Variants in GABRG3 observed in about 807,000 individuals in gnomAD.
GABRG3 encodes gamma-aminobutyric acid type A receptor subunit gamma3.
In GABRG3, 25 loss-of-function variants were observed where a neutral mutation model predicts 48.8. The ratio of observed to expected loss-of-function variants is 0.51; its 90% confidence interval spans 0.37 to 0.72. The LOEUF is 0.72. Among genes scored for constraint, GABRG3 ranks in the 30% least tolerant of loss-of-function variants. The pLI is 0.00. For missense variants in GABRG3, 394 were observed against 577.9 expected (o/e 0.68, Z 3.26); for synonymous variants, 227 against 217.6 (o/e 1.04, Z -0.38).
At chr15:27,303,103 C>T (rs1462533424) in intron 3 of GABRG3, among the ~76,000 whole-genome samples, 1 of 151,092 alleles carries the variant, frequency 6.6e-6, no homozygotes, top group Non-Finnish European at 1.5e-5. Flanking sequence ...TCAAATCAAG[C>T]CAAATTAAGG....
intron 3 of GABRG3, among the ~76,000 whole-genome samples, chr15:27,243,412 T>C (rs1223770862): frequency 1.3e-5 from 2 of 152,110 alleles, no homozygotes; most frequent in Non-Finnish European, 2.9e-5. Context: ...AAAGAAGGCA[T>C]ATCTTCAGGC....
intron 3 of GABRG3, among the ~76,000 whole-genome samples, chr15:27,076,838 C>CCAG (rs1296264242): frequency 1.3e-5 from 2 of 152,174 alleles, no homozygotes; most frequent in East Asian, 3.9e-4. Flanking sequence ...CATGGCCCTA[C>CCAG]CAGCACTTTG....
intron 3 of GABRG3, among the ~76,000 whole-genome samples, chr15:27,138,593 A>G (rs971565475): frequency 2.0e-5 from 3 of 152,072 alleles, no homozygotes; most frequent in African/African-American, 7.2e-5. Context: ...CTTCCTGTGC[A>G]CTTGGAGTGC....
chr15:27,004,271 C>T (rs1172595545), intron 2 of GABRG3, among the ~76,000 whole-genome samples: 25 of 148,406 alleles, frequency 1.7e-4, no homozygotes, highest in Admixed American at 3.3e-4. Context: ...ACTTCTCAGA[C>T]GGGGCGGCCG....
chr15:27,381,057 G>A (rs905648752), intron 5 of GABRG3, among the ~76,000 whole-genome samples: 7 of 152,110 alleles, frequency 4.6e-5, no homozygotes, highest in African/African-American at 1.4e-4. Context: ...GAGCCACCGC[G>A]CCTGGCCTCT....
chr15:27,139,825 G>A (rs1020810996), intron 3 of GABRG3, among the ~76,000 whole-genome samples: 3 of 152,164 alleles, frequency 2.0e-5, no homozygotes, highest in African/African-American at 7.2e-5. Context: ...GATCAAGGCA[G>A]GATCAAGGGG....
chr15:27,307,371 G>GTT (rs2140500508), intron 3 of GABRG3, among the ~76,000 whole-genome samples: 1 of 82,980 alleles, frequency 1.2e-5, no homozygotes, highest in Admixed American at 1.4e-4. Context: ...AACCATATAG[G>GTT]TTTATATATT....
intron 5 of GABRG3, among the ~76,000 whole-genome samples, chr15:27,417,201 G>T (rs1439031140): frequency 6.6e-6 from 1 of 151,874 alleles, no homozygotes; most frequent in Non-Finnish European, 1.5e-5. Context: ...TGGCCCAGGA[G>T]CTGTGGGTGC....
intron 3 of GABRG3, among the ~76,000 whole-genome samples, chr15:27,188,258 G>A (rs1050009581): frequency 6.6e-6 from 1 of 152,112 alleles, no homozygotes; most frequent in African/African-American, 2.4e-5. Flanking sequence ...TGGGATGGCT[G>A]GGTCAAATGG....
At chr15:27,346,274 G>T (rs949431871) in intron 5 of GABRG3, among the ~76,000 whole-genome samples, 1 of 152,080 alleles carries the variant, frequency 6.6e-6, no homozygotes, top group Non-Finnish European at 1.5e-5. Flanking sequence ...AGTTTCTGAA[G>T]AGAAGTACAT....
At chr15:27,437,261 A>G (rs970853451) in intron 5 of GABRG3, among the ~76,000 whole-genome samples, 10 of 152,212 alleles carry the variant, frequency 6.6e-5, no homozygotes, top group Non-Finnish European at 1.3e-4. Context: ...TTTATTTGGC[A>G]AACAAGTTTA....
intron 3 of GABRG3, among the ~76,000 whole-genome samples, chr15:27,185,506 T>C (rs547707467): frequency 6.6e-6 from 1 of 152,296 alleles, no homozygotes; most frequent in Non-Finnish European, 1.5e-5. Flanking sequence ...AAAATGTGGA[T>C]TCCAATGTTA....
chr15:27,414,561 C>G (rs993420361), intron 5 of GABRG3, among the ~76,000 whole-genome samples: 4 of 152,140 alleles, frequency 2.6e-5, no homozygotes, highest in Non-Finnish European at 5.9e-5. Context: ...CAAAGGAAAT[C>G]CAGGGACTAG....
intron 3 of GABRG3, among the ~76,000 whole-genome samples, chr15:27,172,330 T>G (rs1471496016): frequency 6.6e-6 from 1 of 152,120 alleles, no homozygotes; most frequent in African/African-American, 2.4e-5. Flanking sequence ...GAAGGCTCCT[T>G]AGTTCTTAGT....
chr15:27,379,697 G>C (rs1895707552), intron 5 of GABRG3, among the ~76,000 whole-genome samples: 1 of 152,178 alleles, frequency 6.6e-6, no homozygotes, highest in African/African-American at 2.4e-5. Context: ...CAGAATGCTA[G>C]ATGGGTGGAT....
At chr15:27,310,880 CCTGT>C (rs1346901433) in intron 3 of GABRG3, among the ~76,000 whole-genome samples, 1 of 152,006 alleles carries the variant, frequency 6.6e-6, no homozygotes, top group African/African-American at 2.4e-5. Context: ...GAAACATAGT[CCTGT>C]GAATGAATAG....
chr15:27,328,672 G>A, intron 4 of GABRG3, 134 bp from the exon 5 acceptor site: 1 of 669,082 alleles, frequency 1.5e-6, no homozygotes, highest in Non-Finnish European at 2.7e-6. Context: ...ATGGTTCCCG[G>A]GCCAAGAGTG....
intron 3 of GABRG3, among the ~76,000 whole-genome samples, chr15:27,209,451 G>T (rs544437130): frequency 6.6e-6 from 1 of 150,930 alleles, no homozygotes; most frequent in African/African-American, 2.4e-5. Flanking sequence ...GTGCAGTGGC[G>T]CTATCCCGGC....
chr15:27,429,046 G>T (rs1421796813), intron 5 of GABRG3, among the ~76,000 whole-genome samples: 3 of 152,226 alleles, frequency 2.0e-5, no homozygotes, highest in Non-Finnish European at 4.4e-5. Context: ...TATAGATAAG[G>T]TTCAAATAGA....
Sources: allele counts gnomAD v4.1 joint callset (sites outside exome capture counted in the v4.1 genomes callset), GRCh38; gene constraint gnomAD v4.1.1; transcripts MANE v1.5; gene names NCBI Gene and HGNC (gene_info 2026-07-23, HGNC 2026-07-21).